CORIN: variants seen among roughly 807,000 people sequenced by gnomAD.
CORIN encodes the protein corin, serine peptidase, also known as atrial natriuretic peptide-converting enzyme.
CORIN carries 117 observed loss-of-function variants against 125.3 expected under a neutral mutation model. The ratio of observed to expected loss-of-function variants is 0.93; its 90% CI spans 0.80 to 1.09. The LOEUF is 1.09. Among genes scored for constraint, CORIN ranks in the 50% least tolerant of loss-of-function variants. The probability of loss-of-function intolerance (pLI) is 0.00; values close to 1 mark genes in which losing one functional copy is unlikely to be tolerated. For missense variants in CORIN, 1,253 were observed against 1,306.7 expected, an observed-to-expected ratio of 0.96 and a Z score of 0.63; for synonymous variants, 450 against 466.4, an observed-to-expected ratio of 0.96 and a Z score of 0.45.
chr4:47,632,874 G>T (rs535854515), intron 16 of CORIN, among the ~76,000 whole-genome samples: 1 of 152,050 alleles, frequency 6.6e-6, no homozygotes, highest in South Asian at 2.1e-4. Flanking sequence ...CCACCTTCCA[G>T]GTTCAAGCAA....
At chr4:47,616,947 T>A (rs1034512670) in intron 19 of CORIN, among the ~76,000 whole-genome samples, 1 of 152,124 alleles carries the variant, frequency 6.6e-6, no homozygotes, top group Admixed American at 6.5e-5. Flanking sequence ...AAAGGGGATA[T>A]GCTTGTTTTA....
At chr4:47,706,573 C>T in intron 5 of CORIN, 1 of 1,607,294 alleles carries the variant, frequency 6.2e-7, no homozygotes, top group Non-Finnish European at 8.5e-7. Flanking sequence ...TTGTGTTAGC[C>T]GTGGTGGCCG....
In CORIN at chr4:47,623,712, T is replaced by C. The variant is rs769548762; in HGVS notation, c.2399A>G (p.Lys800Arg). ...CGRRPAARMN[K>R]RILGGRTSRP... ...ACTCGTCCGACCTCCAAGGATCCTT[T>C]TGTTCATTCGGGCAGCAGGGCGGCG... Residue 800 changes from lysine (K) to arginine (R), a missense_variant, in exon 19 of 22, where the codon AAA (lysine) becomes AGA (arginine). Coordinates refer to ENST00000273857, the MANE Select transcript of CORIN (RefSeq NM_006587.4). The C allele has an allele frequency of 2.5e-6, 4 of 1,614,186 alleles. No homozygotes were observed. Among genetic ancestry groups the C allele is most frequent in the East Asian group, 2.2e-5 (1 of 44,884 alleles).
chr4:47,599,334 T>G (rs1721364001), intron 21 of CORIN, among the ~76,000 whole-genome samples: 1 of 152,316 alleles, frequency 6.6e-6, no homozygotes, highest in Middle Eastern at 3.4e-3. Flanking sequence ...AATACCCTGA[T>G]TTTTCCATTC....
chr4:47,744,723 C>T, intron 4 of CORIN, 140 bp from the exon 5 acceptor site: 4 of 717,794 alleles, frequency 5.6e-6, no homozygotes, highest in Non-Finnish European at 8.5e-6. Context: ...TAAATTTTTA[C>T]ATTCAGTCCT....
intron 3 of CORIN, among the ~76,000 whole-genome samples, chr4:47,768,577 CA>C (rs1190680004): frequency 6.6e-6 from 1 of 152,122 alleles, no homozygotes; most frequent in African/African-American, 2.4e-5. Context: ...AAATCCTCAA[CA>C]AAATGCTGGC....
intron 7 of CORIN, chr4:47,682,026 A>T (rs1725306287): frequency 6.6e-6 from 1 of 152,222 alleles, no homozygotes; most frequent in South Asian, 2.1e-4. Flanking sequence ...CTGTTTAGTG[A>T]AATAAGCCAG....
At chr4:47,759,285 T>G (rs1729338399) in intron 4 of CORIN, among the ~76,000 whole-genome samples, 1 of 152,018 alleles carries the variant, frequency 6.6e-6, no homozygotes, top group Non-Finnish European at 1.5e-5. Context: ...AAAGAAAACA[T>G]AGGGGGAACC....
At chr4:47,602,249 T>G (rs1721478091) in intron 20 of CORIN, among the ~76,000 whole-genome samples, 1 of 152,136 alleles carries the variant, frequency 6.6e-6, no homozygotes, top group Non-Finnish European at 1.5e-5. Flanking sequence ...CCAGCCTGGG[T>G]GACAGAGTGA....
At chr4:47,646,042 T>C (rs1357943649) in intron 13 of CORIN, among the ~76,000 whole-genome samples, 2 of 34,086 alleles carry the variant, frequency 5.9e-5, no homozygotes, top group East Asian at 2.5e-3. Context: ...TCCACCTGTC[T>C]CAAAAAAAAA....
At chr4:47,770,067 A>G (rs1466590210) in intron 3 of CORIN, among the ~76,000 whole-genome samples, 1 of 152,180 alleles carries the variant, frequency 6.6e-6, no homozygotes, top group Non-Finnish European at 1.5e-5. Flanking sequence ...CACAGCAAAG[A>G]AATAACTTAC....
At chr4:47,814,376 T>C (rs1045423081) in intron 1 of CORIN, among the ~76,000 whole-genome samples, 3 of 152,164 alleles carry the variant, frequency 2.0e-5, no homozygotes, top group Non-Finnish European at 4.4e-5. Context: ...TTGTGTTCTT[T>C]TTTCAGTCAT....
intron 3 of CORIN, among the ~76,000 whole-genome samples, chr4:47,780,857 G>A (rs1730509973): frequency 6.6e-6 from 1 of 151,668 alleles, no homozygotes; most frequent in African/African-American, 2.4e-5. Flanking sequence ...TAAATATGAT[G>A]CCAATGGTAA....
chr4:47,833,897 A>G (rs1733215228), intron 1 of CORIN, among the ~76,000 whole-genome samples: 1 of 152,232 alleles, frequency 6.6e-6, no homozygotes, highest in South Asian at 2.1e-4. Flanking sequence ...AAAAAACAAA[A>G]GATAACAAGT....
At chr4:47,686,327 T>C (rs1216957675) in intron 6 of CORIN, among the ~76,000 whole-genome samples, 1 of 152,046 alleles carries the variant, frequency 6.6e-6, no homozygotes, top group Non-Finnish European at 1.5e-5. Context: ...CTTATAAGCA[T>C]ACAGAACTTT....
chr4:47,661,769 T>C lies in CORIN; in HGVS notation c.1677A>G (p.Gln559=). 2 of 1,613,754 alleles carry C rather than the reference T, an allele frequency of 1.2e-6. No homozygotes were observed. Among genetic ancestry groups the C allele is most frequent in the Non-Finnish European group, 1.7e-6 (2 of 1,179,736 alleles). The change falls in exon 12 of 22, where the codon CAA becomes CAG. Residue 559 remains glutamine, a synonymous_variant. Transcript: ENST00000273857. ...LQWPEDTDCS[Q]FPEENSDNQT... ...GATTGTCTGAATTTTCCTCTGGAAATTGACTGCAATCTGTGTCTTCAGGCC... is the reference window on the plus strand; with the variant it reads ...GATTGTCTGAATTTTCCTCTGGAAACTGACTGCAATCTGTGTCTTCAGGCC...
intron 1 of CORIN, chr4:47,837,631 A>C (rs1418043936): frequency 1.7e-6 from 1 of 590,568 alleles, no homozygotes; most frequent in African/African-American, 1.9e-5. Flanking sequence ...CACTGAAGGA[A>C]ACCCTGCCCA....
chr4:47,599,009 G>C (rs1255187905), intron 21 of CORIN, among the ~76,000 whole-genome samples: 1 of 152,186 alleles, frequency 6.6e-6, no homozygotes, highest in Non-Finnish European at 1.5e-5. Context: ...GCTATCTAGA[G>C]AGGTTAGATA....
intron 2 of CORIN, among the ~76,000 whole-genome samples, chr4:47,795,867 G>T (rs957231767): frequency 6.6e-6 from 1 of 152,046 alleles, no homozygotes; most frequent in East Asian, 1.9e-4. Flanking sequence ...ATGAGATGGT[G>T]CTCAAATCAC....
Sources: allele counts gnomAD v4.1 joint callset (sites outside exome capture counted in the v4.1 genomes callset), GRCh38; gene constraint gnomAD v4.1.1; transcripts MANE v1.5; gene names NCBI Gene and HGNC (gene_info 2026-07-23, HGNC 2026-07-21).